Variants in EXO1 observed in about 807,000 individuals in gnomAD.
The protein encoded by EXO1 is exonuclease 1.
A neutral mutation model predicts 84.5 loss-of-function variants in EXO1; 69 were observed. The ratio of observed to expected loss-of-function variants is 0.82; its 90% CI spans 0.67 to 1.00. The LOEUF (loss-of-function observed/expected upper bound fraction) is 1.00, where lower values mean the gene tolerates loss of function less well. Ranked by LOEUF, EXO1 falls within the 50% of genes least tolerant of loss-of-function variation. The pLI, the probability that EXO1 is intolerant of heterozygous loss-of-function variation, is 0.00. For synonymous variants in EXO1, 373 were observed against 366.1 expected, an observed-to-expected ratio of 1.02 and a Z score of -0.21; for missense variants, 1,045 against 1,000.7, an observed-to-expected ratio of 1.04 and a Z score of -0.60.
chr1:241,877,519 G>C (rs75166063), intron 12 of EXO1, among the ~76,000 whole-genome samples: 1 of 152,016 alleles, frequency 6.6e-6, no homozygotes. Context: ...TAGGGATTTG[G>C]TGAAAGGATA....
chr1:241,889,217 C>T (rs997939690), intron 15 of EXO1, among the ~76,000 whole-genome samples: 1 of 152,126 alleles, frequency 6.6e-6, no homozygotes, highest in African/African-American at 2.4e-5. Context: ...GCTAATATAT[C>T]TAGTGGTGGC....
At position 241,857,989 on chromosome 1, in the gene EXO1, T is replaced by C. The variant is rs4149899; in HGVS notation, c.543+507T>C. On this transcript the variant is annotated intron_variant, in intron 7 of 15. Transcript: ENST00000366548. The stretch of plus-strand genomic sequence containing the variant: ...TACAAAACTACAGGATGTTCTCATT[T>C]TTGTTAATGCCTATATTTATGACTA... Among the ~76,000 whole-genome samples the C allele has an allele frequency of 7.7e-3, 1,175 of 152,306 alleles. 13 individuals are homozygous for C. Among genetic ancestry groups the C allele is most frequent in the African/African-American group, 0.027 (1,131 of 41,560 alleles).
intron 15 of EXO1, among the ~76,000 whole-genome samples, chr1:241,885,851 G>GTT (rs953418298): frequency 6.0e-5 from 6 of 99,818 alleles, no homozygotes; most frequent in African/African-American, 2.1e-4. Flanking sequence ...TTTGTTTTTT[G>GTT]TTTTTTGTTT....
chr1:241,859,076 A>G (rs1156677818), intron 8 of EXO1, among the ~76,000 whole-genome samples: 1 of 152,150 alleles, frequency 6.6e-6, no homozygotes, highest in African/African-American at 2.4e-5. Flanking sequence ...ACACTCCTCA[A>G]GCTCCTTTAT....
chr1:241,850,836 C>CTATTTT (rs1660624571), intron 4 of EXO1, among the ~76,000 whole-genome samples: 1 of 105,088 alleles, frequency 9.5e-6, no homozygotes, highest in East Asian at 3.2e-4. Context: ...CTCCTTTATT[C>CTATTTT]TTTTTTTTTT....
intron 7 of EXO1, among the ~76,000 whole-genome samples, chr1:241,857,892 G>GTTGCCA (rs146529557): frequency 6.6e-6 from 1 of 152,254 alleles, no homozygotes; most frequent in African/African-American, 2.4e-5. Context: ...GTACTAAAGG[G>GTTGCCA]TTGCCATGCA....
chr1:241,863,543 G>A (rs1776136), intron 10 of EXO1, among the ~76,000 whole-genome samples: 76,407 of 151,744 alleles, frequency 0.5, 19,501 homozygotes, highest in East Asian at 0.71. Context: ...GAGAAAAAAA[G>A]AAGTGAGCCT....
At chr1:241,889,110 A>G (rs1239219991) in intron 15 of EXO1, among the ~76,000 whole-genome samples, 1 of 152,134 alleles carries the variant, frequency 6.6e-6, no homozygotes, top group Admixed American at 6.5e-5. Context: ...ACCAGGGCTT[A>G]ACCATTTGTT....
rs1361055626 is a variant in EXO1, at chr1:241,879,359, A to G, written c.2109+16A>G. The G allele has an allele frequency of 2.0e-6, 3 of 1,481,212 alleles. No homozygotes were observed. Among genetic ancestry groups the G allele is most frequent in the Non-Finnish European group, 2.8e-6 (3 of 1,064,638 alleles). 91.8% of individuals were successfully genotyped at this position (1,481,212 alleles called of 1,614,324 possible). Reference sequence around the variant, plus strand: ...TGATTCAGAGGTAAGTCAAATCCTGAAGGCTTTGTTTTCAAATTTATATGT... The same window carrying G: ...TGATTCAGAGGTAAGTCAAATCCTGGAGGCTTTGTTTTCAAATTTATATGT... On this transcript the variant is annotated intron_variant, in intron 13 of 15. Coordinates refer to ENST00000366548, the MANE Select transcript of EXO1 (RefSeq NM_130398.4).
At chr1:241,882,410 TG>T (rs1446149285) in intron 14 of EXO1, among the ~76,000 whole-genome samples, 1 of 152,104 alleles carries the variant, frequency 6.6e-6, no homozygotes. Context: ...TTGCATGGAG[TG>T]GTATTACTGG....
chr1:241,868,371 T>G (rs2148464875), intron 11 of EXO1, among the ~76,000 whole-genome samples: 1 of 72,010 alleles, frequency 1.4e-5, no homozygotes. Flanking sequence ...AAAGAATCCA[T>G]CTCAAAAAAA....
At chr1:241,857,648 T>C (rs553223057) in intron 7 of EXO1, among the ~76,000 whole-genome samples, 166 bp downstream of exon 7, 43 of 151,502 alleles carry the variant, frequency 2.8e-4, no homozygotes, top group African/African-American at 1.0e-3. Flanking sequence ...AATAGATATT[T>C]GCAACTGACA....
chr1:241,868,374 C>CAAAAAA, intron 11 of EXO1, among the ~76,000 whole-genome samples: 1 of 115,878 alleles, frequency 8.6e-6, no homozygotes, highest in African/African-American at 3.2e-5. Flanking sequence ...GAATCCATCT[C>CAAAAAA]AAAAAAAAAA....
chr1:241,881,259 C>T (rs1038283890), intron 13 of EXO1, among the ~76,000 whole-genome samples: 1 of 152,124 alleles, frequency 6.6e-6, no homozygotes, highest in African/African-American at 2.4e-5. Context: ...AACTCCTGAC[C>T]TCAAGTGATC....
chr1:241,882,412 G>C (rs1255478824), intron 14 of EXO1, among the ~76,000 whole-genome samples: 1 of 152,102 alleles, frequency 6.6e-6, no homozygotes, highest in Non-Finnish European at 1.5e-5. Flanking sequence ...GCATGGAGTG[G>C]TATTACTGGT....
chr1:241,865,372 C>T (rs1006176044), intron 10 of EXO1, among the ~76,000 whole-genome samples: 4 of 151,722 alleles, frequency 2.6e-5, no homozygotes, highest in South Asian at 2.1e-4. Context: ...CCACCACGCC[C>T]GGCTGATTTT....
At chr1:241,866,802 A>T in intron 10 of EXO1, 28 bp from the exon 11 acceptor site, 1 of 1,470,808 alleles carries the variant, frequency 6.8e-7, no homozygotes, top group Non-Finnish European at 9.5e-7. Flanking sequence ...TCTTTCTGCA[A>T]ATAATCTTTT....
chr1:241,852,161 T>C, intron 4 of EXO1, 131 bp from the exon 5 acceptor site: 1 of 800,878 alleles, frequency 1.2e-6, no homozygotes. Context: ...CCAATTCCTA[T>C]GAAAACATCT....
chr1:241,853,100 A>T (rs994359859), intron 5 of EXO1, among the ~76,000 whole-genome samples: 1 of 152,200 alleles, frequency 6.6e-6, no homozygotes, highest in East Asian at 1.9e-4. Context: ...TTTCTTTGAC[A>T]AAAAGAATTG....
Sources: gnomAD v4.1 joint callset for allele counts (sites outside exome capture counted in the v4.1 genomes callset) on GRCh38, gnomAD v4.1.1 for gene constraint, MANE v1.5 for transcripts, NCBI Gene and HGNC (gene_info 2026-07-23, HGNC 2026-07-21) for gene names.